MYRIP: variants seen among roughly 807,000 people sequenced by gnomAD.
MYRIP encodes myosin VIIA and Rab interacting protein.
A neutral mutation model predicts 98.0 loss-of-function variants in MYRIP; 49 were observed. The ratio of observed to expected loss-of-function variants is 0.50; its 90% CI spans 0.40 to 0.63. The LOEUF (loss-of-function observed/expected upper bound fraction) is 0.63, where lower values mean the gene tolerates loss of function less well. MYRIP is among the 30% of genes least tolerant of loss of function. The probability of loss-of-function intolerance (pLI) is 0.00; values close to 1 mark genes in which losing one functional copy is unlikely to be tolerated. For missense variants in MYRIP, 1,004 were observed against 1,058.2 expected, an observed-to-expected ratio of 0.95 and a Z score of 0.71; for synonymous variants, 404 against 409.5, an observed-to-expected ratio of 0.99 and a Z score of 0.16.
chr3:40,155,421 T>C (rs1436850226), intron 4 of MYRIP, among the ~76,000 whole-genome samples: 1 of 151,944 alleles, frequency 6.6e-6, no homozygotes, highest in Non-Finnish European at 1.5e-5. Flanking sequence ...TTCCAAGTCT[T>C]TGCTATTGTG....
intron 2 of MYRIP, among the ~76,000 whole-genome samples, chr3:40,005,669 T>C (rs1349761619): frequency 6.6e-6 from 1 of 152,254 alleles, no homozygotes; most frequent in African/African-American, 2.4e-5. Flanking sequence ...TTCTCATGGA[T>C]AACAGTCTTC....
chr3:39,957,969 C>A (rs188483155), intron 2 of MYRIP, among the ~76,000 whole-genome samples: 1 of 152,238 alleles, frequency 6.6e-6, no homozygotes, highest in Non-Finnish European at 1.5e-5. Context: ...ATCTAACTTA[C>A]AAGGGATGTG....
At chr3:39,905,824 G>T (rs763226031) in intron 2 of MYRIP, among the ~76,000 whole-genome samples, 3 of 152,048 alleles carry the variant, frequency 2.0e-5, no homozygotes, top group Non-Finnish European at 4.4e-5. Flanking sequence ...GTATCTGATT[G>T]TTCTTTTCCT....
At chr3:40,254,856 G>A (rs151070485) in intron 16 of MYRIP, among the ~76,000 whole-genome samples, 11 of 152,218 alleles carry the variant, frequency 7.2e-5, no homozygotes, top group African/African-American at 1.9e-4. Context: ...CCAGTTAAGC[G>A]GAGGGCAGAT....
At chr3:39,929,759 T>C (rs11717983) in intron 2 of MYRIP, among the ~76,000 whole-genome samples, 56,290 of 151,712 alleles carry the variant, frequency 0.37, 10,754 homozygotes, top group East Asian at 0.45. Context: ...CTAGCAATCA[T>C]TAATATACTT....
chr3:40,159,761 A>G (rs1381072607), intron 4 of MYRIP, among the ~76,000 whole-genome samples: 5 of 151,934 alleles, frequency 3.3e-5, no homozygotes, highest in East Asian at 3.9e-4. Context: ...TCCATCACTG[A>G]TACCCTTTCT....
At chr3:40,162,963 C>A in intron 5 of MYRIP, 153 bp downstream of exon 5, 2 of 618,524 alleles carry the variant, frequency 3.2e-6, no homozygotes, top group Admixed American at 3.2e-5. Context: ...CTTATTATTG[C>A]CAATTGTATG....
chr3:39,897,135 A>G (rs948790929), intron 1 of MYRIP, among the ~76,000 whole-genome samples: 1 of 152,214 alleles, frequency 6.6e-6, no homozygotes, highest in Non-Finnish European at 1.5e-5. Flanking sequence ...GACTTAGTGT[A>G]GAGTTTACCA....
chr3:40,147,999 T>C (rs1025344944), intron 3 of MYRIP, among the ~76,000 whole-genome samples: 2 of 152,178 alleles, frequency 1.3e-5, no homozygotes, highest in African/African-American at 4.8e-5. Flanking sequence ...CAGAAAGCAA[T>C]CTTACATGTC....
intron 3 of MYRIP, chr3:40,071,130 A>T (rs1286051718): frequency 1.0e-6 from 1 of 985,246 alleles, no homozygotes; most frequent in Non-Finnish European, 1.2e-6. Flanking sequence ...TGATGTCCTC[A>T]ACTGCAGTAG....
At position 40,097,845 on chromosome 3, in the gene MYRIP, C is replaced by T. The variant is rs555719356; in HGVS notation, c.333-53203C>T. Among the ~76,000 whole-genome samples the T allele has an allele frequency of 3.2e-4, 48 of 152,254 alleles. 1 individual carries two copies. The highest frequency in any genetic ancestry group is 3.4e-3 in the Middle Eastern group (1 of 294). On this transcript the variant is annotated intron_variant, in intron 3 of 16. Coordinates refer to ENST00000302541, the MANE Select transcript of MYRIP (RefSeq NM_015460.4). ...GGACTCTAGAAGGGGTACTTGTGAT[C>T]CTCCACTGACAATATGAGCAACAGG...
At chr3:40,028,185 CT>C (rs1947179563) in intron 2 of MYRIP, among the ~76,000 whole-genome samples, 1 of 152,130 alleles carries the variant, frequency 6.6e-6, no homozygotes, top group African/African-American at 2.4e-5. Context: ...CCTGTCAGAG[CT>C]GGCGTGGTGA....
intron 2 of MYRIP, among the ~76,000 whole-genome samples, chr3:39,974,261 T>C (rs1945683048): frequency 6.6e-6 from 1 of 152,122 alleles, no homozygotes; most frequent in Non-Finnish European, 1.5e-5. Flanking sequence ...CATCAGAGAA[T>C]ACTATAAACA....
At chr3:40,245,415 C>T (rs765388308) in intron 13 of MYRIP, among the ~76,000 whole-genome samples, 3 of 151,438 alleles carry the variant, frequency 2.0e-5, no homozygotes, top group African/African-American at 4.9e-5. Context: ...TTTGGGAGGC[C>T]GAGGCGGGTG....
intron 11 of MYRIP, among the ~76,000 whole-genome samples, chr3:40,227,536 A>G (rs937812453): frequency 1.3e-5 from 2 of 152,154 alleles, no homozygotes; most frequent in Non-Finnish European, 2.9e-5. Flanking sequence ...GGCAGGCAAT[A>G]ATAGATTATA....
intron 2 of MYRIP, among the ~76,000 whole-genome samples, chr3:39,925,492 C>A (rs545535593): frequency 6.6e-6 from 1 of 152,070 alleles, no homozygotes; most frequent in Non-Finnish European, 1.5e-5. Flanking sequence ...TCCTCCTTTT[C>A]TCCAGTACTC....
intron 3 of MYRIP, among the ~76,000 whole-genome samples, chr3:40,141,645 T>C (rs1949897966): frequency 6.6e-6 from 1 of 152,188 alleles, no homozygotes; most frequent in Non-Finnish European, 1.5e-5. Context: ...GGAAGTCTAG[T>C]TTCATAATTC....
chr3:39,911,196 C>A (rs1246859801), intron 2 of MYRIP, among the ~76,000 whole-genome samples: 1 of 152,226 alleles, frequency 6.6e-6, no homozygotes, highest in Non-Finnish European at 1.5e-5. Context: ...TATATCACAT[C>A]TTTGGCGCCG....
At chr3:40,199,548 C>T in intron 10 of MYRIP, among the ~76,000 whole-genome samples, 1 of 152,152 alleles carries the variant, frequency 6.6e-6, no homozygotes, top group East Asian at 1.9e-4. Flanking sequence ...TAGTGACACT[C>T]CCCTGAGAAC....
Sources: allele counts gnomAD v4.1 joint callset (sites outside exome capture counted in the v4.1 genomes callset), GRCh38; gene constraint gnomAD v4.1.1; transcripts MANE v1.5; gene names NCBI Gene and HGNC (gene_info 2026-07-23, HGNC 2026-07-21).